The following NFX1 variants were observed in gnomAD, a reference collection of about 807,000 sequenced individuals.
NFX1 encodes the protein transcriptional repressor NF-X1.
NFX1 carries 69 observed loss-of-function variants against 137.2 expected under a neutral mutation model. The ratio of observed to expected loss-of-function variants is 0.50; its 90% CI spans 0.41 to 0.61. The LOEUF (loss-of-function observed/expected upper bound fraction) is 0.61. Among genes scored for constraint, NFX1 ranks in the 20% least tolerant of loss-of-function variants. NFX1 has a pLI of 0.00. For synonymous variants in NFX1, 495 were observed against 474.1 expected (o/e 1.04, Z -0.57); for missense variants, 1,167 against 1,391.0 (o/e 0.84, Z 2.56).
chr9:33,348,835 G>C, intron 15 of NFX1: 1 of 951,714 alleles, frequency 1.1e-6, no homozygotes, highest in South Asian at 4.9e-5. Context: ...TTTCCTTGCT[G>C]TGGTTAAGAT....
intron 1 of NFX1, among the ~76,000 whole-genome samples, chr9:33,292,700 TA>T (rs2118143050): frequency 6.6e-6 from 1 of 152,334 alleles, no homozygotes; most frequent in African/African-American, 2.4e-5. Context: ...ACATATCCTG[TA>T]TATGAGTACA....
intron 15 of NFX1, 116 bp downstream of exon 15, chr9:33,347,233 C>T: frequency 1.3e-6 from 1 of 762,286 alleles, no homozygotes; most frequent in Non-Finnish European, 2.1e-6. Context: ...TAGAAGCTTT[C>T]CATTGCTTAA....
At chr9:33,294,150 A>G (rs1821260283) in intron 1 of NFX1, among the ~76,000 whole-genome samples, 1 of 152,228 alleles carries the variant, frequency 6.6e-6, no homozygotes, top group Admixed American at 6.5e-5. Flanking sequence ...ATGTATACAT[A>G]GTACTTTATG....
chr9:33,364,776 T>C lies in NFX1; in HGVS notation c.3039+2T>C. Reference sequence around the variant, plus strand: ...ACCCTCGTGGAGGCCGTGAATAAGGTTGAAGTCGAAACATCCCACTGGACA... The same window carrying C: ...ACCCTCGTGGAGGCCGTGAATAAGGCTGAAGTCGAAACATCCCACTGGACA... On this transcript the variant is annotated splice_donor_variant, in intron 21 of 23. Transcript: ENST00000379540. LOFTEE classifies it high-confidence loss of function. The C allele has an allele frequency of 1.2e-6, 2 of 1,613,546 alleles. No individual in the cohort carries two copies. The highest frequency in any genetic ancestry group is 8.5e-7 in the Non-Finnish European group (1 of 1,179,846).
At position 33,344,157 on chromosome 9, in the gene NFX1, C is replaced by G. The variant is rs1479999949; in HGVS notation, c.2313C>G (p.Thr771=). The G allele has an allele frequency of 6.2e-7, 1 of 1,614,060 alleles. No homozygotes were observed. The highest frequency in any genetic ancestry group is 1.1e-5 in the South Asian group (1 of 91,086). The change falls in exon 14 of 24, where the codon ACC becomes ACG. Residue 771 remains threonine (T), a synonymous_variant. Coordinates refer to ENST00000379540, the MANE Select transcript of NFX1 (RefSeq NM_002504.6). ...CGTRPPECTQ[T]CARVHECDHP... ...CTAGGCCCCCTGAATGTACCCAAAC[C>G]TGCGCTAGAGTCCATGAGTGTGACC... is the stretch of plus-strand genomic sequence containing the variant.
chr9:33,323,458 A>G (rs1011416584), intron 9 of NFX1, among the ~76,000 whole-genome samples: 20 of 152,202 alleles, frequency 1.3e-4, no homozygotes, highest in African/African-American at 4.1e-4. Context: ...CATAATAAAT[A>G]TGTTCAAAGA....
Position 33,352,649 on chromosome 9 carries a change from G to A in NFX1, c.2659G>A (p.Glu887Lys), listed in dbSNP as rs1361194741. 18 of 1,613,986 alleles carry A rather than the reference G, an allele frequency of 1.1e-5. No homozygotes were observed. Among genetic ancestry groups the A allele is most frequent in the Non-Finnish European group, 1.5e-5 (18 of 1,179,948 alleles). ...TTCCATGTTCATCTGACTTCAGGTA[G>A]AGCTACAGTGTGAATGTGGACGAAG... ...CPVTACKAKVELQCECGRRKE... is the reference protein window; with the variant it reads ...CPVTACKAKVKLQCECGRRKE... The change falls in exon 17 of 24, where the codon GAG becomes AAG. Residue 887 changes from glutamate to lysine, a missense_variant. Around this residue, in one of 3 missense-constraint regions of NFX1, gnomAD observed 312 missense variants for 312.8 expected, o/e 1.00. Transcript: ENST00000379540.
chr9:33,364,795 C>G (rs1159086432), intron 21 of NFX1, 21 bp downstream of exon 21: 2 of 1,613,058 alleles, frequency 1.2e-6, no homozygotes, highest in Non-Finnish European at 8.5e-7. Flanking sequence ...AAACATCCCA[C>G]TGGACATTTC....
chr9:33,315,255 A>G (rs1349567069), intron 7 of NFX1, among the ~76,000 whole-genome samples: 1 of 150,298 alleles, frequency 6.7e-6, no homozygotes, highest in Non-Finnish European at 1.5e-5. Context: ...ATCTAGTTTT[A>G]TTTTCTCTTA....
intron 11 of NFX1, among the ~76,000 whole-genome samples, chr9:33,337,587 G>A (rs1823053841): frequency 6.6e-6 from 1 of 152,082 alleles, no homozygotes; most frequent in African/African-American, 2.4e-5. Flanking sequence ...ATTTTCAGCT[G>A]GGCAGAGTGG....
chr9:33,329,256 T>C (rs1181910031), intron 10 of NFX1, among the ~76,000 whole-genome samples: 1 of 152,198 alleles, frequency 6.6e-6, no homozygotes, highest in Non-Finnish European at 1.5e-5. Context: ...CATGGAATAT[T>C]GCCAACCAGG....
intron 7 of NFX1, among the ~76,000 whole-genome samples, chr9:33,314,514 TA>T (rs1392624054): frequency 2.0e-5 from 3 of 151,924 alleles, no homozygotes; most frequent in Non-Finnish European, 4.4e-5. Flanking sequence ...CTGTCTCTAC[TA>T]AAAATACAAA....
chr9:33,316,057 T>C (rs115758295), intron 7 of NFX1, among the ~76,000 whole-genome samples: 29 of 152,256 alleles, frequency 1.9e-4, no homozygotes, highest in African/African-American at 5.8e-4. Flanking sequence ...CAGACTAAAA[T>C]TTCTGGTCTG....
intron 10 of NFX1, among the ~76,000 whole-genome samples, chr9:33,329,175 G>T (rs957392520): frequency 6.6e-6 from 1 of 152,204 alleles, no homozygotes; most frequent in Non-Finnish European, 1.5e-5. Context: ...ACCAAAGGTG[G>T]AACTTCATTT....
At chr9:33,364,947 C>T in intron 21 of NFX1, 173 bp downstream of exon 21, 3 of 1,426,202 alleles carry the variant, frequency 2.1e-6, no homozygotes, top group Admixed American at 2.7e-5. Flanking sequence ...TCTGTGGAAG[C>T]CTGTCCTGGT....
intron 9 of NFX1, among the ~76,000 whole-genome samples, chr9:33,324,020 T>G (rs1822486146): frequency 6.6e-6 from 1 of 152,024 alleles, no homozygotes; most frequent in South Asian, 2.1e-4. Context: ...GGCAGGAGAA[T>G]TGCTTAAGCC....
chr9:33,318,737 A>G lies in NFX1; in HGVS notation c.1595A>G (p.Tyr532Cys), dbSNP rs558888919. Reference sequence around the variant, plus strand: ...TTGAAATTTTCTCTTCAAGTATGCTATTGCGGCAGCACCTCCCGAGATGTG... The same window carrying G: ...TTGAAATTTTCTCTTCAAGTATGCTGTTGCGGCAGCACCTCCCGAGATGTG... ...PCQIILNQVC[Y>C]CGSTSRDVLC... The change falls in exon 8 of 24, where the codon TAT becomes TGT. Residue 532 changes from tyrosine to cysteine, a missense_variant. Tyr to Cys is a radical substitution (Grantham distance 194). This residue lies in a region of NFX1 where 488 missense variants were observed against 691.5 expected (regional missense o/e 0.71). Transcript: ENST00000379540. 3.7e-6 allele frequency: 6 copies of G among 1,614,156 alleles called. No individual in the cohort carries two copies. The Admixed American group carries it at 5.0e-5, about 13-fold the overall frequency.
At chr9:33,291,164 G>A (rs1368462849) in intron 1 of NFX1, among the ~76,000 whole-genome samples, 4 of 152,342 alleles carry the variant, frequency 2.6e-5, no homozygotes, top group Admixed American at 1.3e-4. Flanking sequence ...CCCTCCTGGA[G>A]TTGCCTCAGT....
At chr9:33,342,449 G>A (rs1013626536) in intron 12 of NFX1, among the ~76,000 whole-genome samples, 32 of 152,294 alleles carry the variant, frequency 2.1e-4, no homozygotes, top group African/African-American at 7.2e-4. Context: ...GCGACAGAGC[G>A]AGACTCCATC....
Sources: allele counts gnomAD v4.1 joint callset (sites outside exome capture counted in the v4.1 genomes callset), GRCh38; gene constraint gnomAD v4.1.1; regional missense constraint gnomAD v4.1.1; transcripts MANE v1.5; gene names NCBI Gene and HGNC (gene_info 2026-07-23, HGNC 2026-07-21).